Variants in TMED8 observed in about 807,000 individuals in gnomAD.
TMED8 encodes protein TMED8.
In TMED8, 15 loss-of-function variants were observed where a neutral mutation model predicts 32.7. The ratio of observed to expected loss-of-function variants is 0.46; its 90% CI spans 0.31 to 0.71. The LOEUF (loss-of-function observed/expected upper bound fraction) is 0.71, where lower values mean the gene tolerates loss of function less well. Among genes scored for constraint, TMED8 ranks in the 30% least tolerant of loss-of-function variants. TMED8 has a pLI of 0.06. For missense variants in TMED8, 390 were observed against 423.9 expected (o/e 0.92, Z 0.70); for synonymous variants, 147 against 161.4 (o/e 0.91, Z 0.68).
chr14:77,374,570 C>T (rs1211588336), intron 1 of TMED8, among the ~76,000 whole-genome samples: 3 of 152,228 alleles, frequency 2.0e-5, no homozygotes, highest in African/African-American at 7.2e-5. Flanking sequence ...ATTGCTCTAA[C>T]CCAAGGAACA....
In TMED8 at chr14:77,341,533, G is replaced by T; in HGVS notation, c.*238C>A. 1.8e-6 allele frequency: 1 copy of T among 554,858 alleles called. No homozygotes were observed. Among genetic ancestry groups the T allele is most frequent in the Non-Finnish European group, 3.2e-6 (1 of 309,006 alleles). The allele number at this position is 554,858 out of a possible 1,614,324, so 34.4% of individuals were successfully genotyped here. On this transcript the variant is annotated 3_prime_UTR_variant, in exon 6 of 6. Coordinates refer to ENST00000216468, the MANE Select transcript of TMED8 (RefSeq NM_213601.3). ...AGGTGCCTTCAAGAGGGAATTTGCTGGAGTCTGAAGCAAGAAGGGTATGAG... is the reference window on the plus strand; with the variant it reads ...AGGTGCCTTCAAGAGGGAATTTGCTTGAGTCTGAAGCAAGAAGGGTATGAG...
intron 3 of TMED8, among the ~76,000 whole-genome samples, chr14:77,344,512 C>T (rs1892982660): frequency 6.6e-6 from 1 of 152,230 alleles, no homozygotes; most frequent in African/African-American, 2.4e-5. Context: ...ATGCAAATGG[C>T]ATTTGATACT....
At chr14:77,364,596 G>C (rs1412543542) in intron 1 of TMED8, among the ~76,000 whole-genome samples, 1 of 150,654 alleles carries the variant, frequency 6.6e-6, no homozygotes. Flanking sequence ...GGCATAATCA[G>C]AGCTCACTGC....
intron 3 of TMED8, 129 bp downstream of exon 3, chr14:77,346,220 C>A: frequency 4.3e-6 from 4 of 934,218 alleles, no homozygotes; most frequent in Non-Finnish European, 3.1e-6. Flanking sequence ...ACCAAGATGC[C>A]CTAAATTAGA....
At chr14:77,369,723 T>C (rs1422428310) in intron 1 of TMED8, among the ~76,000 whole-genome samples, 1 of 152,214 alleles carries the variant, frequency 6.6e-6, no homozygotes, top group Non-Finnish European at 1.5e-5. Flanking sequence ...CTCTCCAGTA[T>C]CTTCCAGCAG....
intron 1 of TMED8, among the ~76,000 whole-genome samples, chr14:77,372,530 G>A (rs960328334): frequency 6.6e-6 from 1 of 152,098 alleles, no homozygotes; most frequent in South Asian, 2.1e-4. Flanking sequence ...AGGCTTAAAC[G>A]AAAACAAATT....
rs570616648 is a variant in TMED8 at position 77,349,150 on chromosome 14, G to A, written c.197+2523C>T. On this transcript the variant is annotated intron_variant, in intron 2 of 5. Transcript: ENST00000216468. Reference sequence around the variant, plus strand: ...TTTGGAGACAGAGTCTTGCTCTGTCGCCCAAGCTGGGGTGTAGTGGCATGA... The same window carrying A: ...TTTGGAGACAGAGTCTTGCTCTGTCACCCAAGCTGGGGTGTAGTGGCATGA... Among the ~76,000 whole-genome samples the A allele has an allele frequency of 1.1e-4, 14 of 124,260 alleles. No individual in the cohort carries two copies. The East Asian group carries it at 1.7e-3, about 15-fold the overall frequency. The allele number at this position is 124,260 out of a possible 152,430, so 81.5% of individuals were successfully genotyped here. A position where few individuals can be genotyped will look rare whatever the true frequency, so the allele number is the denominator to read the frequency against.
intron 1 of TMED8, among the ~76,000 whole-genome samples, chr14:77,360,401 C>T (rs1486437820): frequency 6.6e-6 from 1 of 151,668 alleles, no homozygotes; most frequent in African/African-American, 2.4e-5. Flanking sequence ...TTTCTGTGTA[C>T]TTGACTTTTT....
At chr14:77,342,077 C>G (rs768458578) in intron 5 of TMED8, 89 bp from the exon 6 acceptor site, 2 of 1,106,418 alleles carry the variant, frequency 1.8e-6, no homozygotes, top group Non-Finnish European at 2.6e-6. Context: ...GTGGCTTTCA[C>G]AGAGCGGGGA....
intron 3 of TMED8, 72 bp downstream of exon 3, chr14:77,346,277 T>C (rs1331190500): frequency 1.3e-6 from 2 of 1,540,142 alleles, no homozygotes; most frequent in African/African-American, 2.7e-5. Context: ...GCTTTCTAAT[T>C]CCAACCCAAC....
rs1442799349 is a variant in TMED8, at chr14:77,376,569, G to C, written c.118+367C>G. Reference sequence around the variant, plus strand: ...GAAGCAGGGGGCGGCGAGGCCAGTAGGGTTCGGGTCGGCAGTCTAGATGTG... The same window carrying C: ...GAAGCAGGGGGCGGCGAGGCCAGTACGGTTCGGGTCGGCAGTCTAGATGTG... On this transcript the variant is annotated intron_variant, in intron 1 of 5. Transcript: ENST00000216468. This position sits in a 1 kb window ranked among gnomAD's most constrained non-coding sequence, Gnocchi z 4.0. 6.2e-6 allele frequency: 1 copy of C among 160,160 alleles called. No homozygotes were observed. The highest frequency in any genetic ancestry group is 1.4e-5 in the Non-Finnish European group (1 of 73,554). The allele number at this position is 160,160 out of a possible 1,614,324, so 9.9% of individuals were successfully genotyped here.
intron 1 of TMED8, among the ~76,000 whole-genome samples, 175 bp from the exon 2 acceptor site, chr14:77,351,926 G>A (rs1305500470): frequency 6.6e-6 from 1 of 152,114 alleles, no homozygotes; most frequent in Non-Finnish European, 1.5e-5. Context: ...TCACATCCAA[G>A]TATTCTCAGA....
intron 2 of TMED8, among the ~76,000 whole-genome samples, chr14:77,349,282 A>G (rs1893126348): frequency 6.6e-6 from 1 of 151,546 alleles, no homozygotes; most frequent in Non-Finnish European, 1.5e-5. Context: ...ATGCCTGGCT[A>G]ATTTTTTGTA....
chr14:77,371,609 A>G (rs1893680993), intron 1 of TMED8, among the ~76,000 whole-genome samples: 1 of 152,204 alleles, frequency 6.6e-6, no homozygotes, highest in Non-Finnish European at 1.5e-5. Context: ...GAGAGGCAGG[A>G]AGTAAGAAAA....
At position 77,363,276 on chromosome 14, in the gene TMED8, T is replaced by TA. The variant is rs1379012300; in HGVS notation, c.119-11526dup. The stretch of plus-strand genomic sequence containing the variant: ...CAAGTATTATTTCCAACCACAATGG[T>TA]AAAAAAACTAGAAATCAGTAACAGA... On this transcript the variant is annotated intron_variant, in intron 1 of 5. Transcript: ENST00000216468. Among the ~76,000 whole-genome samples, 11 of 151,760 alleles carry TA rather than the reference T, an allele frequency of 7.2e-5. No homozygotes were observed. In the East Asian group the frequency reaches 1.2e-3, roughly 16 times the overall value.
At chr14:77,375,219 C>A (rs1893784536) in intron 1 of TMED8, among the ~76,000 whole-genome samples, 1 of 151,716 alleles carries the variant, frequency 6.6e-6, no homozygotes, top group Non-Finnish European at 1.5e-5. Context: ...TAAACCCCTA[C>A]ATGACATTAA....
At chr14:77,351,336 A>G (rs1195459501) in intron 2 of TMED8, among the ~76,000 whole-genome samples, 1 of 151,002 alleles carries the variant, frequency 6.6e-6, no homozygotes, top group Non-Finnish European at 1.5e-5. Flanking sequence ...AAATACAAAA[A>G]TTAGCCAGGC....
chr14:77,375,386 A>G (rs536852811), intron 1 of TMED8, among the ~76,000 whole-genome samples: 131 of 152,324 alleles, frequency 8.6e-4, no homozygotes, highest in African/African-American at 3.0e-3. Context: ...CGTTTGCCAT[A>G]AACACATGAG....
Position 77,343,905 on chromosome 14 carries a change from C to T in TMED8, c.328-82G>A, listed in dbSNP as rs867807427. ...CTTTTTGCATGAAGGCTGCCCCACCCCTGCTCTATTATCTCCACTATCCCC... is the reference window on the plus strand; with the variant it reads ...CTTTTTGCATGAAGGCTGCCCCACCTCTGCTCTATTATCTCCACTATCCCC... On this transcript the variant is annotated intron_variant, in intron 3 of 5. Transcript: ENST00000216468. The T allele has an allele frequency of 3.7e-5, 54 of 1,471,064 alleles. 2 individuals carry two copies. In the Middle Eastern group the frequency reaches 4.9e-3, roughly 134 times the overall value. 91.1% of individuals were successfully genotyped at this position (1,471,064 alleles called of 1,614,324 possible).
Sources: allele counts gnomAD v4.1 joint callset (sites outside exome capture counted in the v4.1 genomes callset), GRCh38; gene constraint gnomAD v4.1.1; non-coding constraint Gnocchi (gnomAD v3.1); transcripts MANE v1.5; gene names NCBI Gene and HGNC (gene_info 2026-07-23, HGNC 2026-07-21).